Variants in ZNF486 observed in about 807,000 individuals in gnomAD.
ZNF486 encodes the protein zinc finger protein 486, also known as KRAB box only protein 2.
ZNF486 carries 12 observed loss-of-function variants against 12.8 expected under a neutral mutation model. The ratio of observed to expected loss-of-function variants is 0.94; its 90% CI spans 0.60 to 1.52. ZNF486 has a LOEUF of 1.52. ZNF486 is among the 40% of genes most tolerant of loss of function. The pLI is 0.00. For missense variants in ZNF486, 738 were observed against 545.0 expected, an observed-to-expected ratio of 1.35 and a Z score of -3.53; for synonymous variants, 231 against 184.9, an observed-to-expected ratio of 1.25 and a Z score of -2.02.
At chr19:20,193,072 ATAT>A (rs1289345429) in intron 3 of ZNF486, among the ~76,000 whole-genome samples, 2 of 152,012 alleles carry the variant, frequency 1.3e-5, no homozygotes, top group African/African-American at 2.4e-5. Context: ...CTTTCTATAA[ATAT>A]TATCTTTGTA....
intron 3 of ZNF486, chr19:20,188,630 G>A (rs2089873193): frequency 2.5e-6 from 1 of 395,602 alleles, no homozygotes. Context: ...TTGAATGACA[G>A]AGTGAGACCC....
At chr19:20,171,220 ACT>A (rs2089644546) in intron 1 of ZNF486, among the ~76,000 whole-genome samples, 2 of 152,184 alleles carry the variant, frequency 1.3e-5, no homozygotes, top group South Asian at 4.1e-4. Context: ...GGGAGGCTCC[ACT>A]CTCCTGTACA....
intron 3 of ZNF486, among the ~76,000 whole-genome samples, chr19:20,193,655 C>T (rs546351436): frequency 1.5e-4 from 23 of 151,396 alleles, no homozygotes; most frequent in South Asian, 6.3e-4. Flanking sequence ...AGCGAAACTC[C>T]GTCTCAAAAA....
chr19:20,191,541 G>T (rs780630514), intron 3 of ZNF486, among the ~76,000 whole-genome samples: 3 of 151,676 alleles, frequency 2.0e-5, no homozygotes, highest in Non-Finnish European at 4.4e-5. Context: ...AGGCCCAGGT[G>T]GGTGGATCAC....
At chr19:20,181,762 C>G (rs968404172) in intron 1 of ZNF486, among the ~76,000 whole-genome samples, 1 of 149,532 alleles carries the variant, frequency 6.7e-6, no homozygotes, top group Non-Finnish European at 1.5e-5. Context: ...TTTCATCTGT[C>G]TATATTTTGC....
At chr19:20,168,084 G>T (rs183014293) in intron 1 of ZNF486, among the ~76,000 whole-genome samples, 1 of 152,202 alleles carries the variant, frequency 6.6e-6, no homozygotes, top group South Asian at 2.1e-4. Context: ...ATTCCTGGTC[G>T]GGCGCGGTGG....
Position 20,198,183 on chromosome 19 carries a change from T to C in ZNF486, c.*81T>C, listed in dbSNP as rs2089980622. 2 of 1,335,712 alleles carry C rather than the reference T, an allele frequency of 1.5e-6. No individual in the cohort carries two copies. Among genetic ancestry groups the C allele is most frequent in the Non-Finnish European group, 2.0e-6 (2 of 989,360 alleles). The allele number at this position is 1,335,712 out of a possible 1,614,324, so 82.7% of individuals were successfully genotyped here. On this transcript the variant is annotated 3_prime_UTR_variant, in exon 4 of 4. Transcript: ENST00000335117. The stretch of plus-strand genomic sequence containing the variant: ...CCAGGCTGGAGTGCAATGGCATAAT[T>C]TTGGCTCACCACAACCTCCACCTTC...
intron 3 of ZNF486, among the ~76,000 whole-genome samples, chr19:20,194,261 G>T (rs566143650): frequency 6.6e-6 from 1 of 152,114 alleles, no homozygotes; most frequent in Non-Finnish European, 1.5e-5. Context: ...TGATGTGTAT[G>T]GTGTATGCAG....
intron 1 of ZNF486, among the ~76,000 whole-genome samples, chr19:20,172,514 G>C (rs2089659733): frequency 6.6e-6 from 1 of 152,032 alleles, no homozygotes; most frequent in Non-Finnish European, 1.5e-5. Flanking sequence ...GGCCAGGCTG[G>C]TTTTGAACTC....
At chr19:20,170,385 G>A (rs999512550) in intron 1 of ZNF486, among the ~76,000 whole-genome samples, 20 of 152,080 alleles carry the variant, frequency 1.3e-4, no homozygotes, top group African/African-American at 3.6e-4. Context: ...GGCCAACACG[G>A]TGAAAACATG....
At chr19:20,182,299 C>T (rs1463071198) in intron 1 of ZNF486, among the ~76,000 whole-genome samples, 1 of 152,132 alleles carries the variant, frequency 6.6e-6, no homozygotes, top group Non-Finnish European at 1.5e-5. Context: ...AAAGTGGACC[C>T]AAAATTACCA....
At chr19:20,168,515 T>G (rs1370168322) in intron 1 of ZNF486, among the ~76,000 whole-genome samples, 2 of 142,880 alleles carry the variant, frequency 1.4e-5, no homozygotes, top group Non-Finnish European at 3.1e-5. Context: ...TTAGCTGGGC[T>G]TGGTGGCGCA....
intron 1 of ZNF486, 78 bp downstream of exon 1, chr19:20,167,438 C>T (rs2089596383): frequency 1.4e-5 from 21 of 1,519,544 alleles, no homozygotes; most frequent in Non-Finnish European, 1.8e-5. Flanking sequence ...ACTCAGGCCT[C>T]CCCGTAGTCA....
At chr19:20,181,523 C>A (rs1415704522) in intron 1 of ZNF486, among the ~76,000 whole-genome samples, 13 of 140,444 alleles carry the variant, frequency 9.3e-5, no homozygotes, top group African/African-American at 1.7e-4. Flanking sequence ...TGGGTGGCAG[C>A]GAGACTCCAT....
chr19:20,186,784 G>GTTTTTTTTTTTTTTTT (rs57907168), intron 3 of ZNF486, among the ~76,000 whole-genome samples: 10 of 122,458 alleles, frequency 8.2e-5, no homozygotes, highest in East Asian at 5.4e-4. Flanking sequence ...ATTTTCATAG[G>GTTTTTTTTTTTTTTTT]TTTTTTTTTT....
At position 20,184,436 on chromosome 19, in the gene ZNF486, A is replaced by G. The variant is rs544747004; in HGVS notation, c.111A>G (p.Leu37=). The change falls in exon 2 of 4, where the codon TTA becomes TTG. Residue 37 remains leucine, a synonymous_variant. Transcript: ENST00000335117. ...WHCLDTAQQN[L]YRDVMLENYR... is the part of the protein sequence containing the mutation. ...GCCTGGACACTGCACAGCAGAATTTATATAGGGATGTGATGTTAGAGAACT... is the reference window on the plus strand; with the variant it reads ...GCCTGGACACTGCACAGCAGAATTTGTATAGGGATGTGATGTTAGAGAACT... The G allele has an allele frequency of 5.5e-5, 89 of 1,613,500 alleles. No homozygotes were observed. Among genetic ancestry groups the G allele is most frequent in the Non-Finnish European group, 7.4e-5 (87 of 1,179,750 alleles).
intron 1 of ZNF486, among the ~76,000 whole-genome samples, chr19:20,173,408 A>T (rs1382689551): frequency 6.6e-6 from 1 of 152,080 alleles, no homozygotes; most frequent in African/African-American, 2.4e-5. Context: ...ATTCTATTTC[A>T]TTGGTCTTGT....
At chr19:20,187,075 G>A (rs139046441) in intron 3 of ZNF486, among the ~76,000 whole-genome samples, 1,567 of 151,722 alleles carry the variant, frequency 0.01, 13 homozygotes, top group Non-Finnish European at 0.013. Flanking sequence ...GAGCCACCCC[G>A]CCCGGCCCAT....
intron 3 of ZNF486, among the ~76,000 whole-genome samples, chr19:20,189,474 A>T (rs1379496865): frequency 6.6e-6 from 1 of 152,172 alleles, no homozygotes; most frequent in African/African-American, 2.4e-5. Flanking sequence ...CATGGGTTTC[A>T]TTTTTATTGC....
Sources: gnomAD v4.1 joint callset for allele counts (sites outside exome capture counted in the v4.1 genomes callset) on GRCh38, gnomAD v4.1.1 for gene constraint, MANE v1.5 for transcripts, NCBI Gene and HGNC (gene_info 2026-07-23, HGNC 2026-07-21) for gene names.